COX16: variants seen among roughly 807,000 people sequenced by gnomAD.
The protein encoded by COX16 is cytochrome c oxidase assembly factor COX16, also known as cytochrome c oxidase assembly protein COX16 homolog, mitochondrial.
A neutral mutation model predicts 15.4 loss-of-function variants in COX16; 12 were observed. The ratio of observed to expected loss-of-function variants is 0.78; its 90% CI spans 0.50 to 1.26. The LOEUF is 1.26. COX16 is among the 50% of genes most tolerant of loss of function. The pLI is 0.00. For missense variants in COX16, 124 were observed against 127.6 expected, an observed-to-expected ratio of 0.97 and a Z score of 0.14; for synonymous variants, 46 against 41.1, an observed-to-expected ratio of 1.12 and a Z score of -0.46.
At chr14:70,342,814 C>A in intron 1 of COX16, 85 bp from the exon 2 acceptor site, 3 of 1,399,790 alleles carry the variant, frequency 2.1e-6, no homozygotes. Context: ...TTCTAAACAA[C>A]AATAGAGGCA....
intron 1 of COX16, among the ~76,000 whole-genome samples, chr14:70,351,834 T>G (rs1886965481): frequency 6.6e-6 from 1 of 152,142 alleles, no homozygotes; most frequent in Non-Finnish European, 1.5e-5. Context: ...AAAGTTTATG[T>G]TTTATAGTGT....
Position 70,326,434 on chromosome 14 carries a change from T to TG in COX16, c.219dup (p.Lys74GlnfsTer3). On this transcript the variant is annotated frameshift_variant, in exon 4 of 4. Transcript: ENST00000389912. LOFTEE classifies it high-confidence loss of function. ...CGAATATTCTTCCAGTCATCAAACT[T>TG]GGAGTCTTTGATTTTCTATAGAACC... 1 of 1,586,068 alleles carries TG rather than the reference T, an allele frequency of 6.3e-7. No homozygotes were observed. Among genetic ancestry groups the TG allele is most frequent in the Non-Finnish European group, 8.6e-7 (1 of 1,168,726 alleles).
intron 1 of COX16, among the ~76,000 whole-genome samples, chr14:70,343,055 AAAAC>A (rs903324876): frequency 2.0e-5 from 3 of 150,944 alleles, no homozygotes; most frequent in Admixed American, 6.6e-5. Flanking sequence ...GAAAAAAACA[AAAAC>A]AAAAACAAAT....
intron 3 of COX16, chr14:70,328,211 A>T (rs943563352): frequency 6.6e-6 from 1 of 150,462 alleles, no homozygotes. Flanking sequence ...CTCTGGGGAG[A>T]TAGTCTGGAG....
intron 1 of COX16, among the ~76,000 whole-genome samples, chr14:70,343,362 T>G (rs1886679312): frequency 6.6e-6 from 1 of 152,236 alleles, no homozygotes; most frequent in African/African-American, 2.4e-5. Context: ...TTCATGAATT[T>G]TCTTTGTTCA....
At chr14:70,349,061 C>A (rs998759809) in intron 1 of COX16, among the ~76,000 whole-genome samples, 1 of 152,180 alleles carries the variant, frequency 6.6e-6, no homozygotes, top group Non-Finnish European at 1.5e-5. Flanking sequence ...GCACTTCATT[C>A]TTCCTCACTC....
In COX16 at chr14:70,359,663, C is replaced by G; in HGVS notation, c.-76G>C. 1 of 1,318,312 alleles carries G rather than the reference C, an allele frequency of 7.6e-7. No individual in the cohort carries two copies. Among genetic ancestry groups the G allele is most frequent in the Non-Finnish European group, 1.1e-6 (1 of 914,610 alleles). 81.7% of individuals were successfully genotyped at this position (1,318,312 alleles called of 1,614,324 possible). On this transcript the variant is annotated 5_prime_UTR_variant, in exon 1 of 4. Transcript: ENST00000389912. ...CCCAAATCTCAGCAGCTCACGCTCT[C>G]ACCAAGACGAGTACGTCCTTAACTC...
At chr14:70,344,463 G>A (rs1412544658) in intron 1 of COX16, among the ~76,000 whole-genome samples, 1 of 152,220 alleles carries the variant, frequency 6.6e-6, no homozygotes, top group Non-Finnish European at 1.5e-5. Context: ...TTCTTTCATT[G>A]TCATAATTTC....
intron 2 of COX16, among the ~76,000 whole-genome samples, chr14:70,339,326 G>A (rs1886554304): frequency 6.6e-6 from 1 of 152,118 alleles, no homozygotes; most frequent in South Asian, 2.1e-4. Context: ...CTTGAAAGCT[G>A]TTGCTTCCAG....
In COX16 at chr14:70,326,396, AGGCCTGG is replaced by A; in HGVS notation, c.251_257del (p.Pro84LeufsTer35). 6.2e-7 allele frequency: 1 copy of A among 1,600,162 alleles called. No individual in the cohort carries two copies. Among genetic ancestry groups the A allele is most frequent in the Non-Finnish European group, 8.5e-7 (1 of 1,172,962 alleles). On this transcript the variant is annotated frameshift_variant, in exon 4 of 4. Coordinates refer to ENST00000389912, the MANE Select transcript of COX16 (RefSeq NM_016468.7). LOFTEE classifies it high-confidence loss of function. Reference sequence around the variant, plus strand: ...CTTGGAGGAGGTCAGGATCTTCCCAAGGCCTGGGTCCTCGAATATTCTTCCAGTCATC... The same window carrying A: ...CTTGGAGGAGGTCAGGATCTTCCCAAGTCCTCGAATATTCTTCCAGTCATC...
At chr14:70,353,601 C>T (rs1468520006) in intron 1 of COX16, among the ~76,000 whole-genome samples, 1 of 151,982 alleles carries the variant, frequency 6.6e-6, no homozygotes, top group Non-Finnish European at 1.5e-5. Flanking sequence ...GCAACCTCCA[C>T]CTCCCAGGCT....
intron 1 of COX16, among the ~76,000 whole-genome samples, chr14:70,351,080 T>C: frequency 6.6e-6 from 1 of 152,216 alleles, no homozygotes; most frequent in East Asian, 1.9e-4. Flanking sequence ...AAGCCATTCT[T>C]CAAGGGGGGA....
At chr14:70,337,233 G>A (rs545913213) in intron 2 of COX16, among the ~76,000 whole-genome samples, 2 of 152,070 alleles carry the variant, frequency 1.3e-5, no homozygotes, top group South Asian at 4.1e-4. Context: ...ATTTCCTGGA[G>A]TATCAATTTA....
chr14:70,357,000 G>A (rs1384383068), intron 1 of COX16, among the ~76,000 whole-genome samples: 3 of 151,812 alleles, frequency 2.0e-5, no homozygotes, highest in Non-Finnish European at 4.4e-5. Context: ...AGTGAAGAGG[G>A]TAGAGAGGTT....
chr14:70,352,635 CTTTTTT>C, intron 1 of COX16, among the ~76,000 whole-genome samples: 1 of 118,836 alleles, frequency 8.4e-6, no homozygotes, highest in Non-Finnish European at 1.7e-5. Context: ...AAATATATTT[CTTTTTT>C]TTTCTTTTTT....
intron 3 of COX16, 57 bp downstream of exon 3, chr14:70,329,117 G>T: frequency 6.7e-7 from 1 of 1,500,630 alleles, no homozygotes; most frequent in Non-Finnish European, 9.0e-7. Context: ...TACTTTTAAG[G>T]CAGATAAAAC....
At chr14:70,344,017 CAT>C (rs1886701347) in intron 1 of COX16, among the ~76,000 whole-genome samples, 1 of 152,098 alleles carries the variant, frequency 6.6e-6, no homozygotes, top group Admixed American at 6.5e-5. Context: ...GAGTTGGACT[CAT>C]AGGGGGCAAA....
At chr14:70,334,773 T>A (rs1434604771) in intron 2 of COX16, among the ~76,000 whole-genome samples, 1 of 151,628 alleles carries the variant, frequency 6.6e-6, no homozygotes, top group Non-Finnish European at 1.5e-5. Context: ...GTTAATCACA[T>A]AAAAAGGAAT....
chr14:70,343,875 A>T (rs1886696652), intron 1 of COX16, among the ~76,000 whole-genome samples: 1 of 152,226 alleles, frequency 6.6e-6, no homozygotes, highest in Non-Finnish European at 1.5e-5. Flanking sequence ...GGAATTGCAG[A>T]GCCAGCTGTG....
Sources: allele counts gnomAD v4.1 joint callset (sites outside exome capture counted in the v4.1 genomes callset), GRCh38; gene constraint gnomAD v4.1.1; transcripts MANE v1.5; gene names NCBI Gene and HGNC (gene_info 2026-07-23, HGNC 2026-07-21).